Variants in CATSPERG observed in about 807,000 individuals in gnomAD.
The protein encoded by CATSPERG is cation channel sperm-associated auxiliary subunit gamma.
A neutral mutation model predicts 145.0 loss-of-function variants in CATSPERG; 115 were observed. The ratio of observed to expected loss-of-function variants is 0.79; its 90% CI spans 0.68 to 0.93. The LOEUF is 0.93. Among genes scored for constraint, CATSPERG ranks in the 40% least tolerant of loss-of-function variants. The pLI is 0.00. For missense variants in CATSPERG, 1,296 were observed against 1,490.1 expected, an observed-to-expected ratio of 0.87 and a Z score of 2.14; for synonymous variants, 588 against 589.0, an observed-to-expected ratio of 1.00 and a Z score of 0.02.
intron 20 of CATSPERG, among the ~76,000 whole-genome samples, chr19:38,364,682 G>A (rs1208994612): frequency 1.3e-5 from 2 of 152,264 alleles, no homozygotes; most frequent in Non-Finnish European, 2.9e-5. Context: ...CACCTCGGGA[G>A]GCCGAGGCTG....
intron 17 of CATSPERG, 107 bp from the exon 18 acceptor site, chr19:38,362,103 G>A: frequency 7.8e-7 from 1 of 1,276,808 alleles, no homozygotes; most frequent in Non-Finnish European, 1.1e-6. Context: ...CTTCTGCTCT[G>A]GGTTGGGGGC....
intron 20 of CATSPERG, 141 bp from the exon 21 acceptor site, chr19:38,364,750 T>C: frequency 1.4e-6 from 1 of 699,536 alleles, no homozygotes; most frequent in Non-Finnish European, 2.6e-6. Flanking sequence ...CGTTAGCCTA[T>C]TCCTGAGTAG....
In CATSPERG at chr19:38,344,345, A is replaced by T; in HGVS notation, c.646A>T (p.Ile216Phe). Residue 216 changes from isoleucine (I) to phenylalanine (F), a missense_variant, in exon 6 of 29, where the codon ATC becomes TTC. Coordinates refer to ENST00000409235, the MANE Select transcript of CATSPERG (RefSeq NM_021185.5). The part of the protein sequence containing the change: ...GFLKRDRDNN[I>F]QFTVGEELFN... ...CCTGAAGAGAGACCGGGACAATAAC[A>T]TCCAATTCACTGTGGGAGAGGAGGT... 1 of 1,551,754 alleles carries T rather than the reference A, an allele frequency of 6.4e-7. No homozygotes were observed. The highest frequency in any genetic ancestry group is 8.7e-7 in the Non-Finnish European group (1 of 1,146,952).
Position 38,337,501 on chromosome 19 carries a change from C to G in CATSPERG, c.267C>G (p.Ser89Arg), listed in dbSNP as rs776444561. The change falls in exon 2 of 29, where the codon AGC (serine) becomes AGG (arginine). Residue 89 changes from serine to arginine, a missense_variant. By Grantham distance (110) the Ser-to-Arg change is moderately radical. Transcript: ENST00000409235. ...TGGTGGACTCACCCATCGACCCGAG[C>G]GAGGTGAGGGGACCAGGGTCAAGTG... ...HMLVDSPIDP[S>R]EKYLGFPYYL... 6.4e-7 allele frequency: 1 copy of G among 1,552,070 alleles called. No homozygotes were observed. Among genetic ancestry groups the G allele is most frequent in the South Asian group, 1.2e-5 (1 of 84,066 alleles).
At position 38,362,694 on chromosome 19, in the gene CATSPERG, C is replaced by A; in HGVS notation, c.2357-20C>A. 1 of 1,613,118 alleles carries A rather than the reference C, an allele frequency of 6.2e-7. No homozygotes were observed. The highest frequency in any genetic ancestry group is 1.3e-5 in the African/African-American group (1 of 75,022). On this transcript the variant is annotated intron_variant, in intron 19 of 28. Coordinates refer to ENST00000409235, the MANE Select transcript of CATSPERG (RefSeq NM_021185.5). The stretch of plus-strand genomic sequence containing the variant: ...CCTGTCTGTGAGGGAGGCCTTAACC[C>A]CGTTTACTGCCCGGAGCAGGCACCG...
At position 38,362,257 on chromosome 19, in the gene CATSPERG, C is replaced by T; in HGVS notation, c.2142C>T (p.Asn714=). The change falls in exon 18 of 29, where the codon AAC becomes AAT. Residue 714 remains asparagine, a synonymous_variant. Coordinates refer to ENST00000409235, the MANE Select transcript of CATSPERG (RefSeq NM_021185.5). The stretch of plus-strand genomic sequence containing the variant: ...ACCCCACCTGGCGCTGGTGGGCGAA[C>T]AACAAACAAGACCAGGTAGGCGGAG... ...VHDPTWRWWA[N]NKQDQDYYFF... The T allele has an allele frequency of 6.2e-7, 1 of 1,612,950 alleles. No homozygotes were observed. Among genetic ancestry groups the T allele is most frequent in the Admixed American group, 1.7e-5 (1 of 59,934 alleles).
chr19:38,367,013 C>A, intron 22 of CATSPERG, 143 bp from the exon 23 acceptor site: 1 of 701,742 alleles, frequency 1.4e-6, no homozygotes, highest in Non-Finnish European at 2.3e-6. Flanking sequence ...ATATTAATGA[C>A]CATATTGCCC....
chr19:38,343,851 G>C (rs1054603938), intron 4 of CATSPERG, 127 bp downstream of exon 4: 2 of 1,391,968 alleles, frequency 1.4e-6, no homozygotes, highest in African/African-American at 2.9e-5. Flanking sequence ...CCATGGCCTA[G>C]AGGGGCCACA....
rs745527652 is a variant in CATSPERG, at chr19:38,362,508, A to T, written c.2290A>T (p.Thr764Ser). The T allele has an allele frequency of 1.9e-6, 3 of 1,613,946 alleles. No homozygotes were observed. Among genetic ancestry groups the T allele is most frequent in the Non-Finnish European group, 2.5e-6 (3 of 1,180,048 alleles). Residue 764 changes from threonine (T) to serine (S), a missense_variant, in exon 19 of 29, where the codon ACT (threonine) becomes TCT (serine). Transcript: ENST00000409235. ...LPERIFLDKG[T>S]EYSFAIFLSA... Reference sequence around the variant, plus strand: ...GGAGCGCATTTTCCTGGACAAGGGCACTGAGTACAGCTTCGCCATCTTCCT... The same window carrying T: ...GGAGCGCATTTTCCTGGACAAGGGCTCTGAGTACAGCTTCGCCATCTTCCT...
intron 3 of CATSPERG, 159 bp downstream of exon 3, chr19:38,337,805 G>T: frequency 1.7e-6 from 1 of 603,674 alleles, no homozygotes; most frequent in Non-Finnish European, 2.7e-6. Flanking sequence ...TGCAACCTCC[G>T]CCTCCCGTGT....
At position 38,335,845 on chromosome 19, in the gene CATSPERG, T is replaced by C. The variant is rs374830092; in HGVS notation, c.-45T>C. ...GAGGGGCGGGACTGGTGCGGCCGAG[T>C]GACAGTTGACCGGTTTTAACCAAGT... On this transcript the variant is annotated 5_prime_UTR_variant, in exon 1 of 29. Coordinates refer to ENST00000409235, the MANE Select transcript of CATSPERG (RefSeq NM_021185.5). The C allele has an allele frequency of 5.3e-6, 1 of 189,492 alleles. No homozygotes were observed. Among genetic ancestry groups the C allele is most frequent in the South Asian group, 5.6e-5 (1 of 17,718 alleles). The allele number at this position is 189,492 out of a possible 1,614,324, so 11.7% of individuals were successfully genotyped here.
chr19:38,337,231 C>T lies in CATSPERG; in HGVS notation c.-4C>T. 6.4e-7 allele frequency: 1 copy of T among 1,550,870 alleles called. No homozygotes were observed. The highest frequency in any genetic ancestry group is 1.2e-5 in the South Asian group (1 of 84,048). On this transcript the variant is annotated 5_prime_UTR_variant, in exon 2 of 29. The change creates a new upstream start codon in the 5' untranslated region. Transcript: ENST00000409235. Reference sequence around the variant, plus strand: ...TCCTGCGTTCTCCAGGTTCTAGCCACGTTATGTGCGGCCCAGCCATGTTCC... The same window carrying T: ...TCCTGCGTTCTCCAGGTTCTAGCCATGTTATGTGCGGCCCAGCCATGTTCC...
rs1213783727 is a variant in CATSPERG at position 38,354,802 on chromosome 19, A to G, written c.1090A>G (p.Thr364Ala). The change falls in exon 9 of 29, where the codon ACC becomes GCC. Residue 364 changes from threonine (T) to alanine (A), a missense_variant. Coordinates refer to ENST00000409235, the MANE Select transcript of CATSPERG (RefSeq NM_021185.5). ...TGGCTCTGAGTACATAATGGCCCTC[A>G]CCACGGGCAAGCATGAGGGTTATGT... ...SNGSEYIMALTTGKHEGYVHF... is the reference protein window; with the variant it reads ...SNGSEYIMALATGKHEGYVHF... 11 of 1,614,130 alleles carry G rather than the reference A, an allele frequency of 6.8e-6. No individual in the cohort carries two copies. Among genetic ancestry groups the G allele is most frequent in the Non-Finnish European group, 6.8e-6 (8 of 1,180,006 alleles).
In CATSPERG at chr19:38,361,820, C is replaced by G. The variant is rs778094195; in HGVS notation, c.2053C>G (p.Leu685Val). Residue 685 changes from leucine (L) to valine (V), a missense_variant, in exon 17 of 29, where the codon CTG becomes GTG. Leu to Val is a conservative substitution (Grantham distance 32). Coordinates refer to ENST00000409235, the MANE Select transcript of CATSPERG (RefSeq NM_021185.5). ...NENSLAIYQG[L>V]VYYLLWLHSV... is the part of the protein sequence containing the mutation. Reference sequence around the variant, plus strand: ...GAACTCGCTCGCCATCTACCAGGGCCTGGTCTACTACCTGCTGTGGCTGCA... The same window carrying G: ...GAACTCGCTCGCCATCTACCAGGGCGTGGTCTACTACCTGCTGTGGCTGCA... The G allele has an allele frequency of 5.6e-6, 9 of 1,612,600 alleles. No individual in the cohort carries two copies. Among genetic ancestry groups the G allele is most frequent in the Non-Finnish European group, 7.6e-6 (9 of 1,179,480 alleles).
intron 8 of CATSPERG, among the ~76,000 whole-genome samples, chr19:38,353,027 CA>C (rs61080753): frequency 0.011 from 658 of 61,556 alleles, 1 homozygote; most frequent in African/African-American, 0.036. Context: ...GACCCTGTTT[CA>C]AAAAAAAAAA....
At chr19:38,357,952 GAA>G (rs796672861) in intron 11 of CATSPERG, 227 of 220,264 alleles carry the variant, frequency 1.0e-3, no homozygotes, top group South Asian at 1.9e-3. Context: ...ACTCCATCTC[GAA>G]AAAAAAAAAA....
At chr19:38,363,231 G>A (rs1970384749) in intron 20 of CATSPERG, among the ~76,000 whole-genome samples, 1 of 152,018 alleles carries the variant, frequency 6.6e-6, no homozygotes. Context: ...GTAGCGATGG[G>A]GTTTTACCAT....
rs767218690 is a variant in CATSPERG at position 38,361,889 on chromosome 19, C to T, written c.2094+28C>T. ...GGGCGTCCGGCGGCGGGCGGGCAGG[C>T]CTGAGACGGGACTGGGGCAGCCGGG... On this transcript the variant is annotated intron_variant, in intron 17 of 28. Coordinates refer to ENST00000409235, the MANE Select transcript of CATSPERG (RefSeq NM_021185.5). The T allele has an allele frequency of 7.0e-6, 11 of 1,575,672 alleles. No individual in the cohort carries two copies. The East Asian group carries it at 2.5e-4, about 37-fold the overall frequency.
intron 20 of CATSPERG, 39 bp downstream of exon 20, chr19:38,362,871 GTTTTTT>G: frequency 1.1e-3 from 488 of 451,038 alleles, no homozygotes; most frequent in Middle Eastern, 3.8e-3. Flanking sequence ...GGGAGGTTTT[GTTTTTT>G]TTTTTTTTTT....
Sources: gnomAD v4.1 joint callset for allele counts (sites outside exome capture counted in the v4.1 genomes callset) on GRCh38, gnomAD v4.1.1 for gene constraint, MANE v1.5 for transcripts, NCBI Gene and HGNC (gene_info 2026-07-23, HGNC 2026-07-21) for gene names.